Variants in TAF6 observed in about 807,000 individuals in gnomAD.
The protein encoded by TAF6 is TATA-box binding protein associated factor 6.
TAF6 carries 50 observed loss-of-function variants against 73.5 expected under a neutral mutation model. The observed-to-expected ratio is 0.68, with a 90% CI of 0.54 to 0.86. The LOEUF (loss-of-function observed/expected upper bound fraction) is 0.86, where lower values mean the gene tolerates loss of function less well. TAF6 is among the 40% of genes least tolerant of loss of function. The pLI, the probability that TAF6 is intolerant of heterozygous loss-of-function variation, is 0.00. For synonymous variants in TAF6, 424 were observed against 376.7 expected (o/e 1.13, Z -1.45); for missense variants, 768 against 899.5 (o/e 0.85, Z 1.87).
chr7:100,124,833 G>A (rs765811398), upstream of TAF6: 40 of 1,610,766 alleles, frequency 2.5e-5, no homozygotes, highest in South Asian at 4.2e-4. Flanking sequence ...GAGGAAGGGG[G>A]AGACAAGATG....
intron 1 of TAF6, among the ~76,000 whole-genome samples, chr7:100,117,738 A>G (rs983273665): frequency 6.6e-6 from 1 of 152,092 alleles, no homozygotes; most frequent in Non-Finnish European, 1.5e-5. Context: ...CTTTGAGCCT[A>G]CACTGTAGTT....
rs1473145179 is a variant in TAF6 at position 100,107,358 on chromosome 7, C to G, written c.1922G>C (p.Ser641Thr). 6.4e-7 allele frequency: 1 copy of G among 1,566,748 alleles called. No individual in the cohort carries two copies. The highest frequency in any genetic ancestry group is 2.3e-5 in the East Asian group (1 of 44,340). ...CTCCTGCTTCCCCCCACAAAGGGCA[C>G]TGCCGCTGAGTGGGGACGGGGACGA... ...PASSPSPLSG[S>T]ALCGGKQEAG... The change falls in exon 15 of 15, where the codon AGT becomes ACT. Residue 641 changes from serine to threonine, a missense_variant. This residue lies in a region of TAF6 where 350 missense variants were observed against 352.3 expected (regional missense o/e 0.99). Coordinates refer to ENST00000453269, the MANE Select transcript of TAF6 (RefSeq NM_139315.3).
At position 100,108,348 on chromosome 7, in the gene TAF6, T is replaced by A; in HGVS notation, c.1458+19A>T. ...CTCCTCTGCTTCCTCCTATTCCTCC[T>A]CCCCACCCGGCCACGGACCTGCGTG... On this transcript the variant is annotated intron_variant, in intron 13 of 14. Transcript: ENST00000453269. 3 of 1,586,892 alleles carry A rather than the reference T, an allele frequency of 1.9e-6. No individual in the cohort carries two copies. The highest frequency in any genetic ancestry group is 2.6e-6 in the Non-Finnish European group (3 of 1,163,476).
chr7:100,113,152 G>C (rs1214452959), intron 5 of TAF6, among the ~76,000 whole-genome samples, 197 bp downstream of exon 5: 1 of 152,152 alleles, frequency 6.6e-6, no homozygotes, highest in Non-Finnish European at 1.5e-5. Flanking sequence ...TGTAGTCCCA[G>C]CTACTCAGGA....
At chr7:100,113,437 C>T (rs771891994) in intron 4 of TAF6, 32 bp from the exon 5 acceptor site, 2 of 1,555,128 alleles carry the variant, frequency 1.3e-6, no homozygotes, top group Non-Finnish European at 1.7e-6. Flanking sequence ...AGGTGAATTG[C>T]CACGCATGGA....
At chr7:100,114,594 C>T (rs1797522061) in intron 1 of TAF6, 1 of 545,112 alleles carries the variant, frequency 1.8e-6, no homozygotes, top group South Asian at 2.3e-5. Context: ...GTAGTGCACA[C>T]CTGTAATCCC....
Position 100,108,451 on chromosome 7 carries a change from G to C in TAF6, c.1374C>G (p.Leu458=), listed in dbSNP as rs775437003. ...GAGCCTTGACCACCTGGGAGCAGAG[G>C]AGGGGCCCAAGGGACCCGAATTCTG... is the stretch of plus-strand genomic sequence containing the variant. ...YRAEFGSLGP[L]LCSQVVKARA... Residue 458 remains leucine, a synonymous_variant, in exon 13 of 15, where the codon CTC becomes CTG. Coordinates refer to ENST00000453269, the MANE Select transcript of TAF6 (RefSeq NM_139315.3). The C allele has an allele frequency of 6.2e-7, 1 of 1,614,058 alleles. No individual in the cohort carries two copies. Among genetic ancestry groups the C allele is most frequent in the Non-Finnish European group, 8.5e-7 (1 of 1,179,938 alleles).
chr7:100,115,371 C>T (rs972598187), intron 1 of TAF6: 1 of 152,220 alleles, frequency 6.6e-6, no homozygotes, highest in African/African-American at 2.4e-5. Flanking sequence ...ACATCAAATC[C>T]ACCAGGTAGG....
chr7:100,121,400 G>A (rs904536894), upstream of TAF6: 1 of 151,398 alleles, frequency 6.6e-6, no homozygotes, highest in South Asian at 2.1e-4. Flanking sequence ...GCCTCCCAAA[G>A]TGTTGGGATT....
chr7:100,108,016 A>T lies in TAF6; in HGVS notation c.1566T>A (p.Ser522=), dbSNP rs776402614. 2 of 1,614,004 alleles carry T rather than the reference A, an allele frequency of 1.2e-6. No homozygotes were observed. The highest frequency in any genetic ancestry group is 1.7e-6 in the Non-Finnish European group (2 of 1,179,982). Residue 522 remains serine, a synonymous_variant, in exon 14 of 15, where the codon TCT becomes TCA. Coordinates refer to ENST00000453269, the MANE Select transcript of TAF6 (RefSeq NM_139315.3). ...GCTGTGGTGGGGCAGCCGCTCGTGC[A>T]GACACCAGTGTCTGGACAGGAAGTG... ...SIALPVQTLV[S]ARAAAPPQPS... is the part of the protein sequence containing the mutation.
upstream of TAF6, chr7:100,122,843 T>G: frequency 6.2e-7 from 1 of 1,613,802 alleles, no homozygotes; most frequent in Non-Finnish European, 8.5e-7. Flanking sequence ...TGAAGGTGGA[T>G]CTGGGGATCC....
intron 5 of TAF6, 75 bp downstream of exon 5, chr7:100,113,274 C>T: frequency 1.4e-6 from 2 of 1,386,934 alleles, no homozygotes; most frequent in Non-Finnish European, 2.0e-6. Flanking sequence ...CAGAGTGAGA[C>T]TCTGTCTCAA....
In TAF6 at chr7:100,110,225, G is replaced by A; in HGVS notation, c.1133C>T (p.Ala378Val). ...ATCGTGTCCCAGCTCAGCCAAGCCT[G>A]CGATGGAGCCATAACGAGTCGTCCA... ...TPWTTRYGSI[A>V]GLAELGHDVI... The change falls in exon 11 of 15, where the codon GCA becomes GTA. Residue 378 changes from alanine (A) to valine (V), a missense_variant. This residue lies in a region of TAF6 where 69 missense variants were observed against 105.4 expected (regional missense o/e 0.65). Coordinates refer to ENST00000453269, the MANE Select transcript of TAF6 (RefSeq NM_139315.3). 1.2e-6 allele frequency: 2 copies of A among 1,614,112 alleles called. No homozygotes were observed. The highest frequency in any genetic ancestry group is 1.7e-5 in the Admixed American group (1 of 60,018).
At chr7:100,109,793 T>C (rs1796994457) in intron 12 of TAF6, among the ~76,000 whole-genome samples, 155 bp downstream of exon 12, 1 of 152,104 alleles carries the variant, frequency 6.6e-6, no homozygotes, top group African/African-American at 2.4e-5. Context: ...CTCAGTCTAA[T>C]CTCAGTCTTT....
At chr7:100,117,433 G>A (rs1797762176) in intron 1 of TAF6, among the ~76,000 whole-genome samples, 1 of 151,608 alleles carries the variant, frequency 6.6e-6, no homozygotes, top group Non-Finnish European at 1.5e-5. Flanking sequence ...CACCACACCT[G>A]GCTAATTTTT....
At position 100,107,518 on chromosome 7, in the gene TAF6, CGGT is replaced by C; in HGVS notation, c.1759_1761del (p.Thr587del). 2 of 1,613,910 alleles carry C rather than the reference CGGT, an allele frequency of 1.2e-6. No homozygotes were observed. Among genetic ancestry groups the C allele is most frequent in the Non-Finnish European group, 1.7e-6 (2 of 1,179,948 alleles). ...GCAGTGCTGGGGGGTGCGGTGGTGG[CGGT>C]GGAGACCAACTTGACGATGGGCTGC... On this transcript the variant is annotated inframe_deletion, in exon 15 of 15. Transcript: ENST00000453269.
In TAF6 at chr7:100,107,159, C is replaced by A. The variant is rs1796586472; in HGVS notation, c.*87G>T. The A allele has an allele frequency of 1.3e-6, 2 of 1,495,470 alleles. No individual in the cohort carries two copies. Among genetic ancestry groups the A allele is most frequent in the Non-Finnish European group, 1.8e-6 (2 of 1,120,964 alleles). 92.6% of individuals were successfully genotyped at this position (1,495,470 alleles called of 1,614,324 possible). On this transcript the variant is annotated 3_prime_UTR_variant, in exon 15 of 15. Transcript: ENST00000453269. ...ACATGAAGGAAGCAATCTACAACTT[C>A]CTTCCGCTTAGCGAGCATGCATGTG...
In TAF6 at chr7:100,107,459, G is replaced by T. The variant is rs141242300; in HGVS notation, c.1821C>A (p.Ile607=). ...PSGPGSVQKY[I]VVSLPPTGEG... is the part of the protein sequence containing the mutation. Reference sequence around the variant, plus strand: ...CCCCTGTTGGGGGAAGTGAGACCACGATGTACTTCTGGACACTCCCAGGAC... The same window carrying T: ...CCCCTGTTGGGGGAAGTGAGACCACTATGTACTTCTGGACACTCCCAGGAC... Residue 607 remains isoleucine (I), a synonymous_variant, in exon 15 of 15, where the codon ATC becomes ATA. Transcript: ENST00000453269. 10 of 1,613,016 alleles carry T rather than the reference G, an allele frequency of 6.2e-6. No homozygotes were observed. In the Admixed American group the frequency reaches 8.4e-5, roughly 13 times the overall value.
intron 12 of TAF6, 103 bp downstream of exon 12, chr7:100,109,845 A>G: frequency 6.6e-7 from 1 of 1,525,406 alleles, no homozygotes; most frequent in Non-Finnish European, 8.9e-7. Context: ...GTCCTCTGAA[A>G]ACATGAGGCA....
Sources: gnomAD v4.1 joint callset for allele counts (sites outside exome capture counted in the v4.1 genomes callset) on GRCh38, gnomAD v4.1.1 for gene constraint, gnomAD v4.1.1 regional missense constraint, MANE v1.5 for transcripts, NCBI Gene and HGNC (gene_info 2026-07-23, HGNC 2026-07-21) for gene names.